EML5: variants seen among roughly 807,000 people sequenced by gnomAD.
EML5 encodes the protein EMAP like 5, also known as echinoderm microtubule-associated protein-like 5.
EML5 carries 120 observed loss-of-function variants against 250.0 expected under a neutral mutation model. That is an observed-to-expected ratio of 0.48 (90% CI 0.41 to 0.56). The LOEUF is 0.56. EML5 is among the 20% of genes least tolerant of loss of function. EML5 has a pLI of 0.00. For synonymous variants in EML5, 771 were observed against 806.5 expected, an observed-to-expected ratio of 0.96 and a Z score of 0.75; for missense variants, 2,006 against 2,437.6, an observed-to-expected ratio of 0.82 and a Z score of 3.73.
intron 8 of EML5, among the ~76,000 whole-genome samples, chr14:88,724,514 C>G (rs913499305): frequency 1.3e-5 from 2 of 151,944 alleles, no homozygotes; most frequent in Non-Finnish European, 2.9e-5. Context: ...GGAATAAAAA[C>G]TTTTTCATCC....
chr14:88,640,259 TC>T (rs1246972994), intron 31 of EML5, among the ~76,000 whole-genome samples: 1 of 152,188 alleles, frequency 6.6e-6, no homozygotes, highest in African/African-American at 2.4e-5. Context: ...TACATTCTTC[TC>T]ATCTGCACAT....
chr14:88,754,755 A>C, intron 1 of EML5, 84 bp from the exon 2 acceptor site: 8 of 1,120,988 alleles, frequency 7.1e-6, no homozygotes, highest in South Asian at 1.4e-5. Context: ...TAAAACACAT[A>C]TACCAGTGTG....
chr14:88,792,409 G>T lies in EML5; in HGVS notation c.95C>A (p.Ala32Glu), dbSNP rs1284244965. The T allele has an allele frequency of 4.5e-6, 7 of 1,562,522 alleles. No individual in the cohort carries two copies. Among genetic ancestry groups the T allele is most frequent in the Non-Finnish European group, 6.1e-6 (7 of 1,155,622 alleles). ...CACGAAGTATACGATCTCCTTGGCC[G>T]CAGTGTAGTAGAGGTTGTTGCGGCA... is the stretch of plus-strand genomic sequence containing the variant. ...HQCRNNLYYT[A>E]AKEIVYFVAG... The change falls in exon 1 of 44, where the codon GCG becomes GAG. Residue 32 changes from alanine (A) to glutamate (E), a missense_variant. Ala to Glu is a moderately radical substitution (Grantham distance 107). Coordinates refer to ENST00000554922, the MANE Select transcript of EML5 (RefSeq NM_183387.3). The surrounding 1 kb of genome is among the most constrained non-coding windows in gnomAD (Gnocchi z 6.9).
intron 17 of EML5, among the ~76,000 whole-genome samples, chr14:88,693,502 C>A (rs1210648145): frequency 1.3e-5 from 2 of 152,184 alleles, no homozygotes; most frequent in African/African-American, 4.8e-5. Flanking sequence ...ATTATCTCTA[C>A]CTGGCCCTGC....
intron 1 of EML5, among the ~76,000 whole-genome samples, chr14:88,772,820 A>C (rs140014168): frequency 2.2e-4 from 34 of 151,770 alleles, no homozygotes; most frequent in Non-Finnish European, 2.6e-4. Flanking sequence ...CCTTTTGTTC[A>C]CTACACTCCA....
Position 88,792,033 on chromosome 14 carries a change from A to G in EML5, c.197+274T>C, listed in dbSNP as rs543578500. ...TTCGCAGTTTTCGTAATTGTGATGG[A>G]GTGGGAAAGGGGACAAAGCCGTCAA... is the stretch of plus-strand genomic sequence containing the variant. On this transcript the variant is annotated intron_variant, in intron 1 of 43. Transcript: ENST00000554922. This position sits in a 1 kb window ranked among gnomAD's most constrained non-coding sequence, Gnocchi z 6.9. 6.6e-6 allele frequency among the ~76,000 whole-genome samples: 1 copy of G among 152,284 alleles called. No homozygotes were observed. Among genetic ancestry groups the G allele is most frequent in the South Asian group, 2.1e-4 (1 of 4,830 alleles).
chr14:88,712,423 C>A lies in EML5; in HGVS notation c.1505G>T (p.Cys502Phe). ...TCCATTTACTTCAAGGCCTGAAACA[C>A]ATGTCCATGAAGCCCAATGAACACC... ...IKGVHWASWT[C>F]VSGLEVNGIW... Residue 502 changes from cysteine (C) to phenylalanine (F), a missense_variant, in exon 10 of 44, where the codon TGT becomes TTT. Physicochemically the swap from Cys to Phe is radical, Grantham distance 205. Around this residue, in one of 7 missense-constraint regions of EML5, gnomAD observed 1,375 missense variants for 1,590.3 expected, o/e 0.86. Coordinates refer to ENST00000554922, the MANE Select transcript of EML5 (RefSeq NM_183387.3). The A allele has an allele frequency of 6.2e-7, 1 of 1,613,620 alleles. No individual in the cohort carries two copies. Among genetic ancestry groups the A allele is most frequent in the Non-Finnish European group, 8.5e-7 (1 of 1,179,718 alleles).
intron 18 of EML5, among the ~76,000 whole-genome samples, chr14:88,687,832 T>G (rs1193666040): frequency 3.3e-5 from 5 of 151,982 alleles, no homozygotes; most frequent in African/African-American, 1.2e-4. Context: ...AACACAATAC[T>G]TTGACGGCTG....
At chr14:88,741,939 T>C (rs1406874188) in intron 4 of EML5, among the ~76,000 whole-genome samples, 1 of 152,346 alleles carries the variant, frequency 6.6e-6, no homozygotes, top group East Asian at 1.9e-4. Flanking sequence ...TAATTAAACT[T>C]TGTAATTTTT....
At chr14:88,758,005 A>G (rs1037044504) in intron 1 of EML5, among the ~76,000 whole-genome samples, 1 of 146,246 alleles carries the variant, frequency 6.8e-6, no homozygotes, top group African/African-American at 2.5e-5. Context: ...GGTGGGTGCC[A>G]CCACACCTGT....
chr14:88,618,559 T>G (rs977214981), intron 40 of EML5, 91 bp downstream of exon 40: 1 of 1,425,740 alleles, frequency 7.0e-7, no homozygotes, highest in Non-Finnish European at 9.4e-7. Flanking sequence ...AAGCTGGAGC[T>G]CTGGAGCTCA....
At chr14:88,629,010 C>G (rs887424766) in intron 33 of EML5, among the ~76,000 whole-genome samples, 2 of 151,878 alleles carry the variant, frequency 1.3e-5, no homozygotes, top group Non-Finnish European at 2.9e-5. Flanking sequence ...ATATATTATT[C>G]ATTCATTAAA....
intron 34 of EML5, 55 bp from the exon 35 acceptor site, chr14:88,627,101 A>G: frequency 6.4e-7 from 1 of 1,556,634 alleles, no homozygotes; most frequent in South Asian, 1.1e-5. Flanking sequence ...GCTAATCAAC[A>G]GCATCAAACA....
At chr14:88,681,538 T>C (rs1453582630) in intron 21 of EML5, among the ~76,000 whole-genome samples, 1 of 152,244 alleles carries the variant, frequency 6.6e-6, no homozygotes, top group Non-Finnish European at 1.5e-5. Context: ...TAGTTCTTTT[T>C]TGAATTTTTT....
intron 11 of EML5, 96 bp downstream of exon 11, chr14:88,706,163 A>G (rs2093313999): frequency 2.5e-6 from 3 of 1,182,498 alleles, no homozygotes; most frequent in Non-Finnish European, 3.5e-6. Flanking sequence ...CTGTTAACTT[A>G]TGAGGCCAGA....
chr14:88,639,122 G>A (rs2090913915), intron 31 of EML5, among the ~76,000 whole-genome samples: 1 of 152,150 alleles, frequency 6.6e-6, no homozygotes, highest in Admixed American at 6.5e-5. Flanking sequence ...ACAGTACAAG[G>A]CTGAAGATTC....
At chr14:88,748,124 T>C (rs2094035529) in intron 2 of EML5, among the ~76,000 whole-genome samples, 1 of 151,870 alleles carries the variant, frequency 6.6e-6, no homozygotes, top group African/African-American at 2.4e-5. Flanking sequence ...GAGCCTGGAG[T>C]TCAGAGAGGA....
At chr14:88,644,965 G>A (rs1361068154) in intron 29 of EML5, among the ~76,000 whole-genome samples, 2 of 151,932 alleles carry the variant, frequency 1.3e-5, no homozygotes, top group East Asian at 3.9e-4. Context: ...GCCCGCCTGG[G>A]CCTCCCAGAG....
chr14:88,776,997 G>A (rs989661623), intron 1 of EML5, among the ~76,000 whole-genome samples: 1 of 152,160 alleles, frequency 6.6e-6, no homozygotes, highest in African/African-American at 2.4e-5. Flanking sequence ...GCTAGATAAA[G>A]AGACAGGAGT....
Sources: allele counts gnomAD v4.1 joint callset (sites outside exome capture counted in the v4.1 genomes callset), GRCh38; gene constraint gnomAD v4.1.1; regional missense constraint gnomAD v4.1.1; non-coding constraint Gnocchi (gnomAD v3.1); transcripts MANE v1.5; gene names NCBI Gene and HGNC (gene_info 2026-07-23, HGNC 2026-07-21).